Variants in SYN3 observed in about 807,000 individuals in gnomAD.
The protein encoded by SYN3 is synapsin III, also known as synapsin-3.
Under a neutral mutation model 65.8 loss-of-function variants are expected in SYN3, and 35 were observed. That is an observed-to-expected ratio of 0.53 (90% CI 0.41 to 0.70). The LOEUF is 0.70. SYN3 is among the 30% of genes least tolerant of loss of function. The pLI is 0.00. For synonymous variants in SYN3, 270 were observed against 292.9 expected, an observed-to-expected ratio of 0.92 and a Z score of 0.80; for missense variants, 680 against 749.0, an observed-to-expected ratio of 0.91 and a Z score of 1.08.
chr22:32,676,524 CTTTCTTTTTTTTTTTTTTT>C (rs2060444618), intron 6 of SYN3, among the ~76,000 whole-genome samples: 1 of 108,546 alleles, frequency 9.2e-6, no homozygotes, highest in Admixed American at 1.1e-4. Context: ...CTTTTCTTTT[CTTTCTTTTTTTTTTTTTTT>C]TTTTTTTTTT....
chr22:32,887,876 T>C (rs1181922192), intron 4 of SYN3, among the ~76,000 whole-genome samples: 1 of 152,196 alleles, frequency 6.6e-6, no homozygotes, highest in Non-Finnish European at 1.5e-5. Context: ...TAGAGGAGAA[T>C]GGTTGGCTCA....
At chr22:32,928,461 A>G (rs1310170908) in intron 4 of SYN3, among the ~76,000 whole-genome samples, 1 of 152,246 alleles carries the variant, frequency 6.6e-6, no homozygotes, top group Non-Finnish European at 1.5e-5. Context: ...TTTGAACAAA[A>G]AGTCTATTTT....
At chr22:32,798,371 C>T (rs1443602511) in intron 6 of SYN3, among the ~76,000 whole-genome samples, 3 of 151,994 alleles carry the variant, frequency 2.0e-5, no homozygotes, top group Admixed American at 6.6e-5. Flanking sequence ...GAGGACTGAG[C>T]CCTGAAAATG....
chr22:32,615,396 T>C (rs2059502047), intron 6 of SYN3, among the ~76,000 whole-genome samples: 1 of 133,226 alleles, frequency 7.5e-6, no homozygotes, highest in African/African-American at 3.0e-5. Flanking sequence ...GTTGTGTCAC[T>C]GCACTCCGGC....
At chr22:32,709,238 T>G (rs1217222726) in intron 6 of SYN3, among the ~76,000 whole-genome samples, 1 of 152,208 alleles carries the variant, frequency 6.6e-6, no homozygotes, top group Non-Finnish European at 1.5e-5. Context: ...TCTCTCTGCC[T>G]TCATTCCAAT....
intron 2 of SYN3, among the ~76,000 whole-genome samples, chr22:32,991,021 T>TA (rs1003266430): frequency 1.9e-4 from 29 of 151,692 alleles, no homozygotes; most frequent in African/African-American, 5.3e-4. Flanking sequence ...TTGTCTCTCC[T>TA]AAAAAAAACA....
At chr22:32,974,652 G>A (rs1464468193) in intron 3 of SYN3, among the ~76,000 whole-genome samples, 4 of 152,102 alleles carry the variant, frequency 2.6e-5, no homozygotes, top group Non-Finnish European at 5.9e-5. Context: ...CATTGTGTGT[G>A]TGTGTGTGTG....
At chr22:32,983,056 T>C (rs777712537) in intron 2 of SYN3, among the ~76,000 whole-genome samples, 3 of 152,188 alleles carry the variant, frequency 2.0e-5, no homozygotes, top group Non-Finnish European at 2.9e-5. Flanking sequence ...AGTAACAAAG[T>C]TTCCATTTTC....
chr22:32,877,073 G>C (rs1374114407), intron 4 of SYN3, among the ~76,000 whole-genome samples: 2 of 152,178 alleles, frequency 1.3e-5, no homozygotes, highest in Non-Finnish European at 2.9e-5. Flanking sequence ...ATGCCTGATG[G>C]ACAAGGCAGT....
intron 3 of SYN3, among the ~76,000 whole-genome samples, chr22:32,956,184 C>A (rs1400383066): frequency 8.1e-6 from 1 of 124,050 alleles, no homozygotes; most frequent in Non-Finnish European, 1.7e-5. Context: ...GAGACAGAGT[C>A]TTGTTCTGTC....
chr22:32,806,251 G>A (rs2046732438), intron 6 of SYN3, among the ~76,000 whole-genome samples: 1 of 152,098 alleles, frequency 6.6e-6, no homozygotes, highest in African/African-American at 2.4e-5. Context: ...TGACAGTTCT[G>A]TGTCCCTTTC....
chr22:32,628,820 G>C (rs1042726599), intron 6 of SYN3, among the ~76,000 whole-genome samples: 2 of 151,980 alleles, frequency 1.3e-5, no homozygotes, highest in Non-Finnish European at 2.9e-5. Flanking sequence ...CCTGTAAGCT[G>C]TGCTGGCCGC....
At chr22:32,672,405 A>G (rs2060383712) in intron 6 of SYN3, among the ~76,000 whole-genome samples, 1 of 152,242 alleles carries the variant, frequency 6.6e-6, no homozygotes, top group Non-Finnish European at 1.5e-5. Flanking sequence ...CTATTTTCTC[A>G]GTGAGCAGTC....
chr22:32,523,568 G>C (rs2057925822), intron 12 of SYN3, among the ~76,000 whole-genome samples: 1 of 152,106 alleles, frequency 6.6e-6, no homozygotes, highest in African/African-American at 2.4e-5. Flanking sequence ...TGATAAATGT[G>C]TGTGTTCTGG....
intron 3 of SYN3, among the ~76,000 whole-genome samples, chr22:32,941,903 G>A (rs904906375): frequency 5.3e-5 from 8 of 152,320 alleles, no homozygotes; most frequent in African/African-American, 1.9e-4. Context: ...GCTGGGGGAG[G>A]GGCATCCGCC....
intron 6 of SYN3, among the ~76,000 whole-genome samples, chr22:32,744,668 C>A (rs9606990): frequency 6.6e-6 from 1 of 152,044 alleles, no homozygotes; most frequent in Non-Finnish European, 1.5e-5. Flanking sequence ...TCTCTCTTAC[C>A]GCAGGACTCT....
intron 7 of SYN3, among the ~76,000 whole-genome samples, chr22:32,579,175 A>G (rs957433149): frequency 1.3e-5 from 2 of 152,224 alleles, no homozygotes; most frequent in South Asian, 2.1e-4. Context: ...ATGTTTGCCA[A>G]TATATTCAAT....
At chr22:32,745,384 A>C (rs1390867079) in intron 6 of SYN3, among the ~76,000 whole-genome samples, 1 of 152,150 alleles carries the variant, frequency 6.6e-6, no homozygotes, top group East Asian at 1.9e-4. Flanking sequence ...CCGTCTTCAA[A>C]CCAGATGTTC....
chr22:32,533,357 C>A (rs189504075), intron 10 of SYN3, among the ~76,000 whole-genome samples: 255 of 152,244 alleles, frequency 1.7e-3, no homozygotes, highest in Middle Eastern at 3.4e-3. Context: ...CAGAGCCACA[C>A]CCATGCTTAG....
Sources: gnomAD v4.1 joint callset for allele counts (sites outside exome capture counted in the v4.1 genomes callset) on GRCh38, gnomAD v4.1.1 for gene constraint, MANE v1.5 for transcripts, NCBI Gene and HGNC (gene_info 2026-07-23, HGNC 2026-07-21) for gene names.